Variants in UTRN observed in about 807,000 individuals in gnomAD.
UTRN encodes the protein utrophin.
Under a neutral mutation model 463.9 loss-of-function variants are expected in UTRN, and 283 were observed. The ratio of observed to expected loss-of-function variants is 0.61; its 90% confidence interval spans 0.55 to 0.67. UTRN has a LOEUF of 0.67. Ranked by LOEUF, UTRN falls within the 30% of genes least tolerant of loss-of-function variation. The pLI, the probability that UTRN is intolerant of heterozygous loss-of-function variation, is 0.00. For missense variants in UTRN, 3,922 were observed against 4,084.3 expected, an observed-to-expected ratio of 0.96 and a Z score of 1.08; for synonymous variants, 1,442 against 1,431.5, an observed-to-expected ratio of 1.01 and a Z score of -0.17.
chr6:144,757,236 T>TAAAAAAAAAA, intron 57 of UTRN, among the ~76,000 whole-genome samples: 1 of 115,544 alleles, frequency 8.7e-6, no homozygotes, highest in Non-Finnish European at 1.8e-5. Flanking sequence ...ACTAGAATTG[T>TAAAAAAAAAA]AAAAAAAAAA....
chr6:144,495,099 G>A (rs551930345), intron 33 of UTRN, among the ~76,000 whole-genome samples: 7 of 152,358 alleles, frequency 4.6e-5, no homozygotes, highest in South Asian at 2.1e-4. Flanking sequence ...AGTGGATCCC[G>A]CACCCGGGCT....
chr6:144,584,658 T>G (rs1802286017), intron 51 of UTRN, among the ~76,000 whole-genome samples: 1 of 152,002 alleles, frequency 6.6e-6, no homozygotes, highest in South Asian at 2.1e-4. Context: ...GCCAATTAGA[T>G]ATATTGCTGT....
intron 3 of UTRN, among the ~76,000 whole-genome samples, chr6:144,421,373 A>C (rs1315699440): frequency 6.6e-6 from 1 of 152,022 alleles, no homozygotes; most frequent in Non-Finnish European, 1.5e-5. Flanking sequence ...AAATTTCTGT[A>C]TTTGTACTTG....
chr6:144,660,150 C>T (rs1380945673), intron 51 of UTRN: 1 of 465,784 alleles, frequency 2.1e-6, no homozygotes. Flanking sequence ...AGAAAAGATA[C>T]GGTGTTTAGA....
chr6:144,759,948 G>A (rs1447611127), intron 58 of UTRN, among the ~76,000 whole-genome samples: 1 of 152,002 alleles, frequency 6.6e-6, no homozygotes, highest in Non-Finnish European at 1.5e-5. Flanking sequence ...TTGACTTAGA[G>A]TCTTTTATCA....
chr6:144,793,707 C>T (rs1256502626), intron 62 of UTRN, 127 bp from the exon 63 acceptor site: 14 of 1,128,602 alleles, frequency 1.2e-5, no homozygotes, highest in East Asian at 4.9e-5. Flanking sequence ...CAGGAGACAA[C>T]GAATCAGATT....
intron 2 of UTRN, among the ~76,000 whole-genome samples, chr6:144,356,576 G>A (rs1056797578): frequency 2.0e-5 from 3 of 152,212 alleles, no homozygotes; most frequent in East Asian, 1.9e-4. Context: ...ACTTTGGGAC[G>A]TTTAGGTGGG....
At chr6:144,399,826 C>A (rs1782779949) in intron 2 of UTRN, among the ~76,000 whole-genome samples, 1 of 152,146 alleles carries the variant, frequency 6.6e-6, no homozygotes. Context: ...CATTTTGAAA[C>A]CAGTTTCCTT....
chr6:144,651,986 G>C (rs1201910766), intron 51 of UTRN, among the ~76,000 whole-genome samples: 1 of 152,008 alleles, frequency 6.6e-6, no homozygotes, highest in Non-Finnish European at 1.5e-5. Flanking sequence ...TTTCCCCTGA[G>C]TCCCCATTGT....
Position 144,748,516 on chromosome 6 carries a change from T to G in UTRN, c.8208+2T>G. ...CAGGATCACATTGAAAAAATCATGG[T>G]CAGCATCATTGTCTTTGAAGGATTT... is the stretch of plus-strand genomic sequence containing the variant. On this transcript the variant is annotated splice_donor_variant, in intron 55 of 74. Coordinates refer to ENST00000367545, the MANE Select transcript of UTRN (RefSeq NM_007124.3). LOFTEE classifies it high-confidence loss of function. The G allele has an allele frequency of 1.2e-6, 2 of 1,611,154 alleles. No homozygotes were observed. The highest frequency in any genetic ancestry group is 1.7e-6 in the Non-Finnish European group (2 of 1,178,984).
intron 2 of UTRN, among the ~76,000 whole-genome samples, chr6:144,339,809 A>G (rs895016054): frequency 4.6e-5 from 7 of 152,112 alleles, no homozygotes; most frequent in Non-Finnish European, 2.9e-5. Context: ...CCTGGTTTCT[A>G]TTGTAAGATT....
intron 63 of UTRN, among the ~76,000 whole-genome samples, chr6:144,795,849 TTTG>T (rs1261480346): frequency 4.6e-5 from 7 of 152,100 alleles, no homozygotes; most frequent in Non-Finnish European, 8.8e-5. Context: ...ATAGGTGTTT[TTTG>T]TTGTTGTTTT....
intron 2 of UTRN, among the ~76,000 whole-genome samples, chr6:144,342,265 A>G (rs184827671): frequency 2.0e-5 from 3 of 152,212 alleles, no homozygotes; most frequent in African/African-American, 7.2e-5. Flanking sequence ...AACTTTGGAA[A>G]GCTGTCTGGC....
At chr6:144,350,283 T>C (rs369075467) in intron 2 of UTRN, among the ~76,000 whole-genome samples, 105 of 151,814 alleles carry the variant, frequency 6.9e-4, no homozygotes, top group African/African-American at 2.3e-3. Context: ...TAATGCAAAA[T>C]GAAAATTCTA....
chr6:144,485,664 C>G (rs1792367269), intron 28 of UTRN, 145 bp downstream of exon 28: 1 of 1,215,712 alleles, frequency 8.2e-7, no homozygotes, highest in East Asian at 2.5e-5. Flanking sequence ...CTTCCATAGC[C>G]TGAAGTGTTT....
chr6:144,742,286 T>C (rs868205687), intron 54 of UTRN, among the ~76,000 whole-genome samples: 7 of 152,180 alleles, frequency 4.6e-5, no homozygotes, highest in African/African-American at 1.4e-4. Context: ...CACTTGATGA[T>C]GTACTTGTAA....
chr6:144,827,619 A>G lies in UTRN; in HGVS notation c.9542A>G (p.Gln3181Arg), dbSNP rs756041689. Residue 3181 changes from glutamine (Q) to arginine (R), a missense_variant, in exon 68 of 75, where the codon CAA becomes CGA. By Grantham distance (43) the Gln-to-Arg change is conservative (BLOSUM62 1). Around this residue, in one of 3 missense-constraint regions of UTRN, gnomAD observed 1,309 missense variants for 1,452.6 expected, o/e 0.90. Transcript: ENST00000367545. ...GTTTTTTTCTTTTAAAGCCCCTCACAATCTCCTCAACTGTTTCATGATGAC... is the reference window on the plus strand; with the variant it reads ...GTTTTTTTCTTTTAAAGCCCCTCACGATCTCCTCAACTGTTTCATGATGAC... ...SMWPEHYDPSQSPQLFHDDTH... is the reference protein window; with the variant it reads ...SMWPEHYDPSRSPQLFHDDTH... 3.1e-6 allele frequency: 5 copies of G among 1,613,574 alleles called. No homozygotes were observed. The South Asian group carries it at 4.4e-5, about 14-fold the overall frequency.
intron 25 of UTRN, among the ~76,000 whole-genome samples, chr6:144,476,182 G>A (rs1196752397): frequency 1.3e-5 from 2 of 150,362 alleles, no homozygotes; most frequent in African/African-American, 4.9e-5. Flanking sequence ...AGATGCTGCT[G>A]ACCTCAAGCA....
chr6:144,318,552 C>T (rs1317214003), intron 2 of UTRN, among the ~76,000 whole-genome samples: 3 of 152,198 alleles, frequency 2.0e-5, no homozygotes, highest in Non-Finnish European at 4.4e-5. Flanking sequence ...GAACCTCTGC[C>T]TCCCGGGTTC....
Sources: allele counts gnomAD v4.1 joint callset (sites outside exome capture counted in the v4.1 genomes callset), GRCh38; gene constraint gnomAD v4.1.1; regional missense constraint gnomAD v4.1.1; transcripts MANE v1.5; gene names NCBI Gene and HGNC (gene_info 2026-07-23, HGNC 2026-07-21).